Variants in AKR1C8 observed in about 807,000 individuals in gnomAD.
AKR1C8 encodes the protein aldo-keto reductase family 1 member C-like protein 1.
the AKR1C8 span, among the ~76,000 whole-genome samples, chr10:5,130,612 T>A: frequency 6.6e-6 from 1 of 151,836 alleles, no homozygotes; most frequent in African/African-American, 2.4e-5. Context: ...AGAAATTGAT[T>A]TCTGCCATAA....
At chr10:5,127,221 TAAA>T in the AKR1C8 span, among the ~76,000 whole-genome samples, 3 of 148,498 alleles carry the variant, frequency 2.0e-5, no homozygotes, top group African/African-American at 7.4e-5. Flanking sequence ...AATTTTTTTT[TAAA>T]AAAATTCAGG....
chr10:5,127,900 A>G, the AKR1C8 span, among the ~76,000 whole-genome samples: 1 of 152,118 alleles, frequency 6.6e-6, no homozygotes. Flanking sequence ...CTGGCTAGAG[A>G]TTTAGATATC....
At chr10:5,169,420 C>T in the AKR1C8 span, among the ~76,000 whole-genome samples, 9 of 152,104 alleles carry the variant, frequency 5.9e-5, no homozygotes, top group Admixed American at 2.6e-4. Context: ...TAGTTGTCTA[C>T]GAAATGGCCA....
chr10:5,153,853 T>C, the AKR1C8 span, among the ~76,000 whole-genome samples: 1 of 152,196 alleles, frequency 6.6e-6, no homozygotes. Flanking sequence ...ATCAGACATG[T>C]TGTTTAGAAA....
the AKR1C8 span, among the ~76,000 whole-genome samples, chr10:5,157,365 TAGA>T: frequency 0.28 from 42,652 of 151,916 alleles, 6,785 homozygotes; most frequent in Non-Finnish European, 0.36. Context: ...CATTACCATG[TAGA>T]AGAACTCCTG....
the AKR1C8 span, among the ~76,000 whole-genome samples, chr10:5,172,977 G>A: frequency 9.9e-5 from 15 of 152,174 alleles, no homozygotes; most frequent in African/African-American, 3.6e-4. Flanking sequence ...AATTTTTAGG[G>A]CCTAATAAAC....
the AKR1C8 span, among the ~76,000 whole-genome samples, chr10:5,168,173 G>A: frequency 6.6e-6 from 1 of 151,900 alleles, no homozygotes; most frequent in Non-Finnish European, 1.5e-5. Flanking sequence ...ACGGTCTGAG[G>A]TTTCCTATGT....
chr10:5,148,416 T>C, the AKR1C8 span, among the ~76,000 whole-genome samples: 7 of 152,272 alleles, frequency 4.6e-5, no homozygotes, highest in African/African-American at 1.7e-4. Context: ...AGGTTTGTTT[T>C]GGCAAGGTTG....
chr10:5,121,847 G>A, the AKR1C8 span, among the ~76,000 whole-genome samples: 146 of 152,062 alleles, frequency 9.6e-4, 3 homozygotes, highest in East Asian at 0.025. Flanking sequence ...GGTAGTGAGG[G>A]CATCAAAAAA....
the AKR1C8 span, among the ~76,000 whole-genome samples, chr10:5,166,717 C>T: frequency 6.6e-6 from 1 of 152,134 alleles, no homozygotes; most frequent in Non-Finnish European, 1.5e-5. Flanking sequence ...ACATTCAGGA[C>T]ATAGGCATGG....
chr10:5,130,889 C>A, the AKR1C8 span, among the ~76,000 whole-genome samples: 6 of 151,832 alleles, frequency 4.0e-5, no homozygotes, highest in Admixed American at 6.6e-5. Context: ...ATAACCAAAG[C>A]AATACTAAGC....
chr10:5,162,576 G>A, the AKR1C8 span, among the ~76,000 whole-genome samples: 1 of 152,210 alleles, frequency 6.6e-6, no homozygotes, highest in African/African-American at 2.4e-5. Flanking sequence ...AACTGAAGGA[G>A]TGGACCCATA....
the AKR1C8 span, chr10:5,135,210 T>C: frequency 4.5e-6 from 1 of 224,272 alleles, no homozygotes; most frequent in African/African-American, 2.3e-5. Flanking sequence ...CTCCACACAC[T>C]GATATTTGGG....
At chr10:5,121,858 A>T in the AKR1C8 span, among the ~76,000 whole-genome samples, 41 of 152,266 alleles carry the variant, frequency 2.7e-4, no homozygotes, top group African/African-American at 9.1e-4. Flanking sequence ...CATCAAAAAA[A>T]GTGATTCACA....
At chr10:5,158,797 A>C in the AKR1C8 span, 1 of 458,032 alleles carries the variant, frequency 2.2e-6, no homozygotes, top group Non-Finnish European at 4.5e-6. Flanking sequence ...AATGTGTAAT[A>C]CTACATTAAT....
At chr10:5,160,062 G>T in the AKR1C8 span, 1 of 316,694 alleles carries the variant, frequency 3.2e-6, no homozygotes, top group Non-Finnish European at 6.7e-6. Flanking sequence ...TTTTCAATTG[G>T]CGTTTGACTT....
At chr10:5,151,959 G>T in the AKR1C8 span, among the ~76,000 whole-genome samples, 1 of 152,096 alleles carries the variant, frequency 6.6e-6, no homozygotes, top group Non-Finnish European at 1.5e-5. Context: ...GTCATAGTAG[G>T]AATAGAGTTG....
the AKR1C8 span, among the ~76,000 whole-genome samples, chr10:5,141,247 T>C: frequency 6.6e-6 from 1 of 152,172 alleles, no homozygotes; most frequent in Non-Finnish European, 1.5e-5. Flanking sequence ...CTTAAAGTTT[T>C]ATCATGAAAT....
At chr10:5,158,826 A>G in the AKR1C8 span, 1 of 404,836 alleles carries the variant, frequency 2.5e-6, no homozygotes, top group East Asian at 8.0e-5. Flanking sequence ...TATACTTTTC[A>G]TGTTGGCCCT....
Sources: gnomAD v4.1 joint callset for allele counts (sites outside exome capture counted in the v4.1 genomes callset) on GRCh38, gnomAD v4.1.1 for gene constraint, MANE v1.5 for transcripts, NCBI Gene and HGNC (gene_info 2026-07-23, HGNC 2026-07-21) for gene names.